Variants in DDAH1 observed in about 807,000 individuals in gnomAD.
DDAH1 encodes dimethylarginine dimethylaminohydrolase 1.
In DDAH1, 19 loss-of-function variants were observed where a neutral mutation model predicts 28.8. The observed-to-expected ratio is 0.66, with a 90% CI of 0.46 to 0.97. The LOEUF (loss-of-function observed/expected upper bound fraction) is 0.97, where lower values mean the gene tolerates loss of function less well. Among genes scored for constraint, DDAH1 ranks in the 50% least tolerant of loss-of-function variants. DDAH1 has a pLI of 0.00. For missense variants in DDAH1, 326 were observed against 375.9 expected, an observed-to-expected ratio of 0.87 and a Z score of 1.10; for synonymous variants, 153 against 154.4, an observed-to-expected ratio of 0.99 and a Z score of 0.07.
chr1:85,345,297 G>T (rs538138679), intron 4 of DDAH1, among the ~76,000 whole-genome samples: 1 of 151,630 alleles, frequency 6.6e-6, no homozygotes, highest in South Asian at 2.1e-4. Context: ...GTACAAACAG[G>T]TCTAATGCCT....
At chr1:85,456,127 T>C (rs1331427334) in intron 1 of DDAH1, among the ~76,000 whole-genome samples, 2 of 152,074 alleles carry the variant, frequency 1.3e-5, no homozygotes, top group Non-Finnish European at 2.9e-5. Context: ...TATTTGATCT[T>C]AATATCACTG....
intron 1 of DDAH1, among the ~76,000 whole-genome samples, chr1:85,381,246 T>C (rs1437344106): frequency 3.4e-5 from 5 of 148,740 alleles, no homozygotes; most frequent in Non-Finnish European, 7.5e-5. Flanking sequence ...AAAAAAAAGA[T>C]ATATTCTTTG....
At chr1:85,349,492 A>G (rs1649068711) in intron 4 of DDAH1, among the ~76,000 whole-genome samples, 1 of 152,210 alleles carries the variant, frequency 6.6e-6, no homozygotes, top group South Asian at 2.1e-4. Context: ...TTAATAAGTC[A>G]TGCATGCTCG....
At chr1:85,547,028 C>T (rs1405012527) in intron 1 of DDAH1, among the ~76,000 whole-genome samples, 2 of 152,030 alleles carry the variant, frequency 1.3e-5, no homozygotes, top group Non-Finnish European at 2.9e-5. Context: ...TCAATCTCTG[C>T]CCTCATCCAT....
intron 2 of DDAH1, among the ~76,000 whole-genome samples, chr1:85,470,574 G>A (rs1042305044): frequency 9.2e-5 from 14 of 152,312 alleles, no homozygotes; most frequent in South Asian, 6.2e-4. Flanking sequence ...TAGAAATATC[G>A]GATAAAGTAA....
intron 2 of DDAH1, among the ~76,000 whole-genome samples, chr1:85,483,576 C>G (rs901689155): frequency 1.3e-5 from 2 of 152,162 alleles, no homozygotes; most frequent in South Asian, 4.1e-4. Flanking sequence ...TTATGTAACA[C>G]CCCCAGTGGG....
intron 1 of DDAH1, among the ~76,000 whole-genome samples, chr1:85,576,250 A>G (rs769251832): frequency 6.6e-5 from 10 of 152,200 alleles, no homozygotes; most frequent in African/African-American, 9.7e-5. Context: ...AGGGGATGAC[A>G]TGAGATTTGG....
intron 1 of DDAH1, among the ~76,000 whole-genome samples, chr1:85,528,146 T>C (rs576455630): frequency 1.3e-5 from 2 of 151,822 alleles, no homozygotes; most frequent in East Asian, 1.9e-4. Context: ...CACATGTATA[T>C]GTTTATATGT....
chr1:85,389,850 C>T (rs1002279579), intron 1 of DDAH1, among the ~76,000 whole-genome samples: 11 of 152,216 alleles, frequency 7.2e-5, no homozygotes, highest in South Asian at 2.1e-4. Flanking sequence ...TTAGAGCCCA[C>T]CATGCTAGTG....
intron 1 of DDAH1, among the ~76,000 whole-genome samples, chr1:85,536,145 G>A (rs1324275848): frequency 6.6e-6 from 1 of 151,922 alleles, no homozygotes; most frequent in Non-Finnish European, 1.5e-5. Context: ...GCTGAGGGAT[G>A]AGAATTGCTT....
rs1207136732 is a variant in DDAH1 at position 85,381,744 on chromosome 1, T to C, written c.304-22897A>G. Reference sequence around the variant, plus strand: ...GTTTTTTTTTTTACAAATTGAAGGTTTGTAGCAAACCCGCATCAAGCAAGT... The same window carrying C: ...GTTTTTTTTTTTACAAATTGAAGGTCTGTAGCAAACCCGCATCAAGCAAGT... On this transcript the variant is annotated intron_variant, in intron 1 of 5. Coordinates refer to ENST00000284031, the MANE Select transcript of DDAH1 (RefSeq NM_012137.4). Among the ~76,000 whole-genome samples the C allele has an allele frequency of 2.6e-5, 4 of 152,158 alleles. No individual in the cohort carries two copies. The East Asian group carries it at 5.8e-4, about 22-fold the overall frequency.
chr1:85,487,171 T>C (rs761163908), intron 2 of DDAH1, among the ~76,000 whole-genome samples: 15 of 152,238 alleles, frequency 9.9e-5, no homozygotes, highest in Non-Finnish European at 1.9e-4. Flanking sequence ...TCCTTGTACT[T>C]AGGACTTCCA....
chr1:85,465,838 C>T (rs1655360789), upstream of DDAH1, among the ~76,000 whole-genome samples: 1 of 152,138 alleles, frequency 6.6e-6, no homozygotes, highest in African/African-American at 2.4e-5. Flanking sequence ...GTTTCCAAGT[C>T]CCTTCAACAT....
intron 1 of DDAH1, among the ~76,000 whole-genome samples, chr1:85,452,463 C>T (rs1361447079): frequency 6.6e-6 from 1 of 152,060 alleles, no homozygotes; most frequent in Non-Finnish European, 1.5e-5. Context: ...TTACATGAAA[C>T]ATTACCTAGC....
chr1:85,512,601 C>G (rs1013469425), intron 1 of DDAH1, among the ~76,000 whole-genome samples: 31 of 152,162 alleles, frequency 2.0e-4, no homozygotes, highest in African/African-American at 7.0e-4. Flanking sequence ...TTAGAAAACC[C>G]CATCGTCTCA....
intron 2 of DDAH1, chr1:85,482,322 T>TA (rs1336811227): frequency 6.6e-6 from 1 of 152,100 alleles, no homozygotes; most frequent in Non-Finnish European, 1.5e-5. Flanking sequence ...CTCTATAATG[T>TA]AAAAAACAAG....
chr1:85,495,397 TA>T (rs2100732900), intron 2 of DDAH1: 1 of 152,294 alleles, frequency 6.6e-6, no homozygotes, highest in South Asian at 2.1e-4. Flanking sequence ...ATTAAAAATA[TA>T]AATTGAAGTC....
At chr1:85,402,974 C>T (rs6704103) in intron 1 of DDAH1, among the ~76,000 whole-genome samples, 1 of 150,378 alleles carries the variant, frequency 6.6e-6, no homozygotes, top group Non-Finnish European at 1.5e-5. Context: ...GTTTAACCTC[C>T]ACAGATACCT....
At chr1:85,329,179 A>C (rs1647606805) in intron 4 of DDAH1, among the ~76,000 whole-genome samples, 1 of 152,182 alleles carries the variant, frequency 6.6e-6, no homozygotes, top group Admixed American at 6.5e-5. Flanking sequence ...GTTCTCAGGG[A>C]TTGTTATCAG....
Sources: allele counts gnomAD v4.1 joint callset (sites outside exome capture counted in the v4.1 genomes callset), GRCh38; gene constraint gnomAD v4.1.1; transcripts MANE v1.5; gene names NCBI Gene and HGNC (gene_info 2026-07-23, HGNC 2026-07-21).